The following LHFPL4 variants were observed in gnomAD, a reference collection of about 807,000 sequenced individuals.
LHFPL4 encodes LHFPL tetraspan subfamily member 4 protein.
A neutral mutation model predicts 20.0 loss-of-function variants in LHFPL4; 6 were observed. The ratio of observed to expected loss-of-function variants is 0.30; its 90% confidence interval spans 0.16 to 0.59. LHFPL4 has a LOEUF of 0.59. LHFPL4 is among the 20% of genes least tolerant of loss of function. LHFPL4 has a pLI of 0.88. For missense variants in LHFPL4, 215 were observed against 331.2 expected, an observed-to-expected ratio of 0.65 and a Z score of 2.72; for synonymous variants, 129 against 143.8, an observed-to-expected ratio of 0.90 and a Z score of 0.74.
chr3:9,530,118 C>T (rs2046400241), intron 2 of LHFPL4, among the ~76,000 whole-genome samples: 1 of 152,158 alleles, frequency 6.6e-6, no homozygotes, highest in African/African-American at 2.4e-5. Context: ...CTGGCTTCAA[C>T]TTAAAGTCAC....
chr3:9,534,651 T>C (rs2046434264), intron 2 of LHFPL4, among the ~76,000 whole-genome samples: 1 of 152,094 alleles, frequency 6.6e-6, no homozygotes, highest in African/African-American at 2.4e-5. Flanking sequence ...GGTAAATAAA[T>C]TACCGACAGA....
At chr3:9,526,858 T>A (rs190910176) in intron 2 of LHFPL4, among the ~76,000 whole-genome samples, 1 of 151,792 alleles carries the variant, frequency 6.6e-6, no homozygotes, top group African/African-American at 2.4e-5. Context: ...CCTCCCAGAG[T>A]CTGCAGGGGG....
chr3:9,531,791 C>T (rs1413258166), intron 2 of LHFPL4, among the ~76,000 whole-genome samples: 1 of 143,416 alleles, frequency 7.0e-6, no homozygotes, highest in Non-Finnish European at 1.5e-5. Flanking sequence ...CAGAGCGAGA[C>T]TCCATCTCAG....
chr3:9,548,829 G>A (rs1443908624), intron 2 of LHFPL4, among the ~76,000 whole-genome samples: 1 of 152,164 alleles, frequency 6.6e-6, no homozygotes, highest in East Asian at 1.9e-4. Flanking sequence ...TGACCAAGCT[G>A]GGCCAATCTG....
chr3:9,517,938 T>A (rs970951402), intron 2 of LHFPL4, among the ~76,000 whole-genome samples: 4 of 152,026 alleles, frequency 2.6e-5, no homozygotes, highest in African/African-American at 9.7e-5. Flanking sequence ...CTTATTGCAT[T>A]AAGGACTTTC....
intron 2 of LHFPL4, among the ~76,000 whole-genome samples, chr3:9,518,341 A>T (rs1285098812): frequency 1.3e-5 from 2 of 152,168 alleles, no homozygotes; most frequent in African/African-American, 2.4e-5. Flanking sequence ...ATCTATGTTC[A>T]TGAGAGATAT....
At chr3:9,521,254 T>C (rs1376295802) in intron 2 of LHFPL4, among the ~76,000 whole-genome samples, 1 of 148,448 alleles carries the variant, frequency 6.7e-6, no homozygotes, top group Non-Finnish European at 1.5e-5. Context: ...TTTGACAGTG[T>C]GGCTCTGTTG....
At chr3:9,529,529 A>C (rs1024719202) in intron 2 of LHFPL4, among the ~76,000 whole-genome samples, 2 of 152,238 alleles carry the variant, frequency 1.3e-5, no homozygotes, top group African/African-American at 4.8e-5. Context: ...TTGTGTTAGC[A>C]GGCATGAAAA....
At chr3:9,517,373 T>A (rs1398246913) in intron 2 of LHFPL4, among the ~76,000 whole-genome samples, 1 of 152,172 alleles carries the variant, frequency 6.6e-6, no homozygotes, top group Non-Finnish European at 1.5e-5. Context: ...TTAGCTCTTC[T>A]TCTATTTCTT....
At chr3:9,552,159 A>T in intron 2 of LHFPL4, 115 bp downstream of exon 2, 1 of 1,353,004 alleles carries the variant, frequency 7.4e-7, no homozygotes, top group East Asian at 2.4e-5. Flanking sequence ...CAAAGAGGTG[A>T]GTGTCTTAAC....
chr3:9,546,429 A>G (rs920449296), intron 2 of LHFPL4, among the ~76,000 whole-genome samples: 2 of 152,030 alleles, frequency 1.3e-5, no homozygotes, highest in African/African-American at 4.8e-5. Context: ...AGGGTCCACC[A>G]GCTTCCATTC....
At chr3:9,505,010 C>T (rs1271085844) in intron 3 of LHFPL4, among the ~76,000 whole-genome samples, 1 of 151,792 alleles carries the variant, frequency 6.6e-6, no homozygotes, top group East Asian at 1.9e-4. Context: ...TGAAGTGTGA[C>T]ATTTTCACAG....
chr3:9,519,125 G>C (rs1015870849), intron 2 of LHFPL4, among the ~76,000 whole-genome samples: 9 of 151,440 alleles, frequency 5.9e-5, no homozygotes, highest in African/African-American at 2.2e-4. Flanking sequence ...TTTTAGTAGA[G>C]ATGGGGCTTC....
At chr3:9,502,430 GGTGGCTGACGCCT>G (rs1559513217) in intron 3 of LHFPL4, 119 bp from the exon 4 acceptor site, 1 of 726,448 alleles carries the variant, frequency 1.4e-6, no homozygotes, top group East Asian at 2.7e-5. Context: ...GGCCGGGCGC[GGTGGCTGACGCCT>G]GTAATCCCAG....
chr3:9,502,473 G>C (rs1305116139), intron 3 of LHFPL4, among the ~76,000 whole-genome samples, 162 bp from the exon 4 acceptor site: 1 of 151,962 alleles, frequency 6.6e-6, no homozygotes, highest in Non-Finnish European at 1.5e-5. Context: ...AGGCTGAGGC[G>C]GGTGGATCAC....
At chr3:9,523,358 G>A (rs886863200) in intron 2 of LHFPL4, among the ~76,000 whole-genome samples, 1 of 150,594 alleles carries the variant, frequency 6.6e-6, no homozygotes, top group Non-Finnish European at 1.5e-5. Flanking sequence ...TGTAGCTTGG[G>A]AGACAGAGTG....
At chr3:9,511,953 G>GA (rs955032970) in intron 2 of LHFPL4, among the ~76,000 whole-genome samples, 1 of 136,406 alleles carries the variant, frequency 7.3e-6, no homozygotes, top group Non-Finnish European at 1.6e-5. Flanking sequence ...TTTTTTTTTA[G>GA]ACGGAATCTG....
chr3:9,527,244 G>A (rs574165313), intron 2 of LHFPL4, among the ~76,000 whole-genome samples: 13 of 152,148 alleles, frequency 8.5e-5, no homozygotes, highest in Non-Finnish European at 1.2e-4. Flanking sequence ...TTACAGAGTG[G>A]GTATATTCAT....
chr3:9,516,634 T>G (rs2046303779), intron 2 of LHFPL4, among the ~76,000 whole-genome samples: 1 of 151,812 alleles, frequency 6.6e-6, no homozygotes, highest in African/African-American at 2.4e-5. Flanking sequence ...CCACCAAGCC[T>G]GGCTAATTTT....
Sources: allele counts gnomAD v4.1 joint callset (sites outside exome capture counted in the v4.1 genomes callset), GRCh38; gene constraint gnomAD v4.1.1; transcripts MANE v1.5; gene names NCBI Gene and HGNC (gene_info 2026-07-23, HGNC 2026-07-21).